CNTNAP5: variants seen among roughly 807,000 people sequenced by gnomAD.
The protein encoded by CNTNAP5 is contactin associated protein family member 5, also known as contactin-associated protein-like 5.
CNTNAP5 carries 72 observed loss-of-function variants against 150.2 expected under a neutral mutation model. That is an observed-to-expected ratio of 0.48 (90% CI 0.40 to 0.58). The LOEUF (loss-of-function observed/expected upper bound fraction) is 0.58. CNTNAP5 is among the 20% of genes least tolerant of loss of function. The pLI, the probability that CNTNAP5 is intolerant of heterozygous loss-of-function variation, is 0.00. For missense variants in CNTNAP5, 1,636 were observed against 1,626.2 expected, an observed-to-expected ratio of 1.01 and a Z score of -0.10; for synonymous variants, 672 against 619.8, an observed-to-expected ratio of 1.08 and a Z score of -1.25.
chr2:124,240,685 C>A (rs888503908), intron 2 of CNTNAP5, among the ~76,000 whole-genome samples: 5 of 151,866 alleles, frequency 3.3e-5, no homozygotes, highest in African/African-American at 1.2e-4. Context: ...AAAATCAAAA[C>A]TTTTCTCAAA....
chr2:124,296,102 G>C (rs915835450), intron 3 of CNTNAP5, among the ~76,000 whole-genome samples: 1 of 151,542 alleles, frequency 6.6e-6, no homozygotes. Context: ...TATCTTACTA[G>C]ATCCATTCAT....
chr2:124,379,674 T>C (rs933509101), intron 3 of CNTNAP5, among the ~76,000 whole-genome samples: 6 of 152,110 alleles, frequency 3.9e-5, no homozygotes, highest in Non-Finnish European at 7.4e-5. Flanking sequence ...GCTGCTAACA[T>C]TTTATTAACT....
chr2:124,526,345 T>TGC (rs3039883), intron 9 of CNTNAP5, among the ~76,000 whole-genome samples: 3,324 of 152,292 alleles, frequency 0.022, 105 homozygotes, highest in African/African-American at 0.076. Context: ...AGTTGTAGCA[T>TGC]CTCTCTTCAT....
chr2:124,464,288 TACTC>T (rs1693324167), intron 6 of CNTNAP5, among the ~76,000 whole-genome samples: 1 of 152,104 alleles, frequency 6.6e-6, no homozygotes, highest in African/African-American at 2.4e-5. Context: ...TGCTTTCTCT[TACTC>T]AATGCTGGGC....
intron 1 of CNTNAP5, among the ~76,000 whole-genome samples, chr2:124,066,499 T>A (rs1682159310): frequency 1.3e-5 from 2 of 152,122 alleles, no homozygotes; most frequent in South Asian, 2.1e-4. Context: ...TTCTTCTATG[T>A]GGCAAAGTTT....
intron 18 of CNTNAP5, among the ~76,000 whole-genome samples, chr2:124,796,939 C>T (rs1350176653): frequency 6.6e-6 from 1 of 152,158 alleles, no homozygotes; most frequent in Non-Finnish European, 1.5e-5. Context: ...CAGCCTTGAT[C>T]TAAGGAGAGT....
intron 21 of CNTNAP5, among the ~76,000 whole-genome samples, chr2:124,900,786 A>C (rs550603454): frequency 1.3e-4 from 20 of 151,680 alleles, no homozygotes; most frequent in African/African-American, 4.6e-4. Context: ...CCTACAATGC[A>C]AAAACCTCAT....
At chr2:124,860,973 G>A (rs1257235804) in intron 19 of CNTNAP5, among the ~76,000 whole-genome samples, 1 of 151,924 alleles carries the variant, frequency 6.6e-6, no homozygotes, top group African/African-American at 2.4e-5. Flanking sequence ...CATTTACTGA[G>A]AACAGGAAAA....
At chr2:124,215,112 G>A (rs1032060806) in intron 1 of CNTNAP5, among the ~76,000 whole-genome samples, 2 of 151,502 alleles carry the variant, frequency 1.3e-5, no homozygotes, top group South Asian at 2.1e-4. Context: ...TCTAAGCACC[G>A]TTGTAGGCAC....
At chr2:124,705,697 AAG>A (rs746649276) in intron 13 of CNTNAP5, among the ~76,000 whole-genome samples, 37 of 152,196 alleles carry the variant, frequency 2.4e-4, no homozygotes, top group Non-Finnish European at 4.7e-4. Context: ...TTTAATAGCA[AAG>A]AGAGTATGAA....
At chr2:124,670,819 T>C (rs551737243) in intron 13 of CNTNAP5, among the ~76,000 whole-genome samples, 19 of 152,344 alleles carry the variant, frequency 1.2e-4, no homozygotes, top group South Asian at 4.1e-4. Context: ...TTCTGTTCAC[T>C]CTATTTAAAA....
intron 13 of CNTNAP5, among the ~76,000 whole-genome samples, chr2:124,674,546 T>TCTTTCTTC (rs1553430201): frequency 0.028 from 3,662 of 129,964 alleles, 100 homozygotes; most frequent in Non-Finnish European, 0.045. Context: ...TTTCTTTCTT[T>TCTTTCTTC]CTTTCTTCCT....
At chr2:124,585,669 CTTTTTTT>C (rs33978614) in intron 11 of CNTNAP5, among the ~76,000 whole-genome samples, 2 of 66,406 alleles carry the variant, frequency 3.0e-5, no homozygotes, top group Non-Finnish European at 5.4e-5. Flanking sequence ...GAGCTTGAAG[CTTTTTTT>C]TTTTTTTTTT....
At chr2:124,050,169 A>T (rs902280823) in intron 1 of CNTNAP5, among the ~76,000 whole-genome samples, 2 of 152,174 alleles carry the variant, frequency 1.3e-5, no homozygotes, top group African/African-American at 4.8e-5. Context: ...TATTATTAAG[A>T]ATAAAGAAAT....
At position 124,434,575 on chromosome 2, in the gene CNTNAP5, G is replaced by A. The variant is rs1428220802; in HGVS notation, c.621G>A (p.Leu207=). The A allele has an allele frequency of 3.1e-6, 5 of 1,613,988 alleles. No individual in the cohort carries two copies. The highest frequency in any genetic ancestry group is 4.2e-6 in the Non-Finnish European group (5 of 1,179,856). The change falls in exon 5 of 24, where the codon CTG becomes CTA. Residue 207 remains leucine (L), a synonymous_variant. Transcript: ENST00000682447. Reference sequence around the variant, plus strand: ...GTACTCTCAAAGATGTGATCTCCCTGAAGTTCAAGAGCATGCAAGGAGATG... The same window carrying A: ...GTACTCTCAAAGATGTGATCTCCCTAAAGTTCAAGAGCATGCAAGGAGATG... The part of the protein sequence containing the change: ...LMSTLKDVIS[L]KFKSMQGDGV...
intron 19 of CNTNAP5, among the ~76,000 whole-genome samples, chr2:124,807,987 C>T (rs1236869954): frequency 6.6e-6 from 1 of 152,148 alleles, no homozygotes; most frequent in Non-Finnish European, 1.5e-5. Flanking sequence ...AGGAAGCACA[C>T]AGGACTAACA....
intron 13 of CNTNAP5, among the ~76,000 whole-genome samples, chr2:124,704,424 G>A (rs189172446): frequency 2.0e-5 from 3 of 151,662 alleles, no homozygotes; most frequent in South Asian, 2.1e-4. Context: ...TGTGAAACTC[G>A]TTATATCACT....
At chr2:124,593,331 T>C (rs1390001863) in intron 11 of CNTNAP5, among the ~76,000 whole-genome samples, 1 of 120,718 alleles carries the variant, frequency 8.3e-6, no homozygotes, top group Non-Finnish European at 1.7e-5. Flanking sequence ...TTCCCCTTCC[T>C]GTGTCCATGT....
chr2:124,259,344 A>G (rs1305685490), intron 3 of CNTNAP5, among the ~76,000 whole-genome samples: 2 of 152,156 alleles, frequency 1.3e-5, no homozygotes, highest in Non-Finnish European at 2.9e-5. Context: ...TTATGGCAGC[A>G]TGATTTATAA....
Sources: allele counts gnomAD v4.1 joint callset (sites outside exome capture counted in the v4.1 genomes callset), GRCh38; gene constraint gnomAD v4.1.1; transcripts MANE v1.5; gene names NCBI Gene and HGNC (gene_info 2026-07-23, HGNC 2026-07-21).